The following CDK15 variants were observed in gnomAD, a reference collection of about 807,000 sequenced individuals.
The protein encoded by CDK15 is cyclin-dependent kinase 15.
In CDK15, 62 loss-of-function variants were observed where a neutral mutation model predicts 60.3. The observed-to-expected ratio is 1.03, with a 90% confidence interval of 0.84 to 1.27. The LOEUF (loss-of-function observed/expected upper bound fraction) is 1.27. Among genes scored for constraint, CDK15 ranks in the 50% most tolerant of loss-of-function variants. The pLI is 0.00. For missense variants in CDK15, 541 were observed against 527.8 expected (o/e 1.03, Z -0.25); for synonymous variants, 194 against 195.7 (o/e 0.99, Z 0.07).
intron 11 of CDK15, among the ~76,000 whole-genome samples, chr2:201,879,781 T>C (rs950392824): frequency 1.3e-5 from 2 of 152,212 alleles, no homozygotes; most frequent in African/African-American, 4.8e-5. Flanking sequence ...AGACACACGG[T>C]GGAGGGCAAG....
chr2:201,858,471 C>T (rs1347808740), intron 10 of CDK15, among the ~76,000 whole-genome samples: 4 of 151,748 alleles, frequency 2.6e-5, no homozygotes, highest in Non-Finnish European at 4.4e-5. Flanking sequence ...CCCCACTCCC[C>T]GTTTTAAGCA....
Position 201,890,800 on chromosome 2 carries a change from CA to C in CDK15, c.1215del (p.Val406PhefsTer4), listed in dbSNP as rs776123376. On this transcript the variant is annotated frameshift_variant, in exon 13 of 14. Coordinates refer to ENST00000652192, the MANE Select transcript of CDK15 (RefSeq NM_001366386.2). LOFTEE classifies it high-confidence loss of function. ...ATTCCTACAGAGGAGTCTTTGTTTA[CA>C]GTTTCAGGAGTGAGGCTAAAGCCAG... ...YQLPDEESLF[T>X]VSGVRLKPEM... 2 of 1,611,808 alleles carry C rather than the reference CA, an allele frequency of 1.2e-6. No homozygotes were observed. Among genetic ancestry groups the C allele is most frequent in the South Asian group, 2.2e-5 (2 of 90,624 alleles).
intron 13 of CDK15, 30 bp downstream of exon 13, chr2:201,890,957 T>A (rs1408129425): frequency 4.9e-6 from 6 of 1,213,294 alleles, no homozygotes; most frequent in Non-Finnish European, 6.0e-6. Context: ...AGGTTCCTTA[T>A]GGAACAAATT....
At chr2:201,859,031 T>C (rs1698267412) in intron 10 of CDK15, among the ~76,000 whole-genome samples, 1 of 152,096 alleles carries the variant, frequency 6.6e-6, no homozygotes, top group Non-Finnish European at 1.5e-5. Context: ...AGGGCTGCCG[T>C]CTTTCACACA....
At chr2:201,844,910 A>C (rs764134244) in intron 8 of CDK15, among the ~76,000 whole-genome samples, 5 of 152,244 alleles carry the variant, frequency 3.3e-5, no homozygotes. Context: ...GCACTTTGGA[A>C]GGCTGAGGCA....
chr2:201,809,696 T>C (rs1317556747), intron 3 of CDK15, among the ~76,000 whole-genome samples: 1 of 152,156 alleles, frequency 6.6e-6, no homozygotes, highest in Non-Finnish European at 1.5e-5. Context: ...CTCTGGATGG[T>C]CACTGTACAA....
rs531711121 is a variant in CDK15 at position 201,884,989 on chromosome 2, A to T, written c.1198+4822A>T. Among the ~76,000 whole-genome samples the T allele has an allele frequency of 4.6e-5, 7 of 152,258 alleles. No homozygotes were observed. In the East Asian group the frequency reaches 1.4e-3, roughly 29 times the overall value. On this transcript the variant is annotated intron_variant, in intron 12 of 13. Coordinates refer to ENST00000652192, the MANE Select transcript of CDK15 (RefSeq NM_001366386.2). ...GGTGAGATTAACTCCAGCTGTGGGG[A>T]TCCAGGATGATTTTGTGAGTGGGCC...
chr2:201,854,780 T>G (rs1698073367), intron 9 of CDK15, 94 bp from the exon 10 acceptor site: 1 of 1,031,242 alleles, frequency 9.7e-7, no homozygotes, highest in Admixed American at 1.8e-5. Context: ...CGCTTCCCTG[T>G]TCTTCCCTGA....
intron 8 of CDK15, among the ~76,000 whole-genome samples, chr2:201,841,200 A>C (rs1381751443): frequency 6.6e-6 from 1 of 152,214 alleles, no homozygotes; most frequent in African/African-American, 2.4e-5. Flanking sequence ...TTGCTTTTGC[A>C]TCAACCTATA....
chr2:201,852,720 C>T (rs1183951567), intron 9 of CDK15, among the ~76,000 whole-genome samples: 1 of 152,102 alleles, frequency 6.6e-6, no homozygotes, highest in Admixed American at 6.6e-5. Context: ...TTTTCAGTTT[C>T]CCAGACAGTG....
intron 8 of CDK15, among the ~76,000 whole-genome samples, chr2:201,836,676 A>G (rs1476819226): frequency 2.6e-5 from 4 of 151,458 alleles, no homozygotes; most frequent in Admixed American, 6.6e-5. Context: ...CCTTATCCAC[A>G]GAGAAACAAA....
At chr2:201,847,895 C>T (rs1429573236) in intron 9 of CDK15, among the ~76,000 whole-genome samples, 5 of 152,144 alleles carry the variant, frequency 3.3e-5, no homozygotes, top group Admixed American at 3.3e-4. Context: ...CCTGTAATCC[C>T]AGCACTTTGG....
chr2:201,822,624 A>G (rs1235065415), intron 4 of CDK15, among the ~76,000 whole-genome samples, 185 bp from the exon 5 acceptor site: 1 of 152,260 alleles, frequency 6.6e-6, no homozygotes, highest in African/African-American at 2.4e-5. Flanking sequence ...ATGATTTGCC[A>G]TTTTTGAAAT....
chr2:201,819,406 G>T (rs1696127139), intron 4 of CDK15, among the ~76,000 whole-genome samples: 1 of 152,232 alleles, frequency 6.6e-6, no homozygotes, highest in Admixed American at 6.5e-5. Context: ...AGATGGGAGT[G>T]TGAGGAGATG....
intron 3 of CDK15, among the ~76,000 whole-genome samples, chr2:201,810,062 A>G (rs1695685394): frequency 6.6e-6 from 1 of 152,146 alleles, no homozygotes; most frequent in Non-Finnish European, 1.5e-5. Flanking sequence ...AAAAAAAAAA[A>G]AAAGCATTTT....
At chr2:201,881,913 A>G (rs1280748839) in intron 12 of CDK15, among the ~76,000 whole-genome samples, 1 of 152,090 alleles carries the variant, frequency 6.6e-6, no homozygotes, top group Non-Finnish European at 1.5e-5. Flanking sequence ...ACACACACAC[A>G]CACTCCCTTC....
chr2:201,868,251 T>G (rs1480834069), intron 10 of CDK15, among the ~76,000 whole-genome samples: 1 of 152,016 alleles, frequency 6.6e-6, no homozygotes, highest in Non-Finnish European at 1.5e-5. Context: ...GTGAAGAAAT[T>G]TTTATATTAC....
chr2:201,816,531 C>A (rs866109122), intron 4 of CDK15, among the ~76,000 whole-genome samples: 10 of 139,668 alleles, frequency 7.2e-5, no homozygotes, highest in Middle Eastern at 3.9e-3. Context: ...TTTATCCAAT[C>A]CACCATTGCT....
chr2:201,835,360 C>G (rs1696961454), intron 7 of CDK15, among the ~76,000 whole-genome samples: 1 of 152,140 alleles, frequency 6.6e-6, no homozygotes, highest in African/African-American at 2.4e-5. Context: ...AAGGCATAAT[C>G]TGGAAGTTCA....
Sources: allele counts gnomAD v4.1 joint callset (sites outside exome capture counted in the v4.1 genomes callset), GRCh38; gene constraint gnomAD v4.1.1; transcripts MANE v1.5; gene names NCBI Gene and HGNC (gene_info 2026-07-23, HGNC 2026-07-21).